The following SLC30A7 variants were observed in gnomAD, a reference collection of about 807,000 sequenced individuals.
SLC30A7 encodes the protein solute carrier family 30 member 7, also known as zinc transporter 7.
In SLC30A7, 35 loss-of-function variants were observed where a neutral mutation model predicts 46.0. The observed-to-expected ratio is 0.76, with a 90% confidence interval of 0.58 to 1.01. The LOEUF (loss-of-function observed/expected upper bound fraction) is 1.01, where lower values mean the gene tolerates loss of function less well. Among genes scored for constraint, SLC30A7 ranks in the 50% least tolerant of loss-of-function variants. SLC30A7 has a pLI of 0.00. For synonymous variants in SLC30A7, 147 were observed against 157.8 expected (o/e 0.93, Z 0.51); for missense variants, 464 against 451.1 (o/e 1.03, Z -0.26).
chr1:100,960,329 CT>C (rs1486894877), intron 8 of SLC30A7, among the ~76,000 whole-genome samples: 1 of 152,144 alleles, frequency 6.6e-6, no homozygotes, highest in African/African-American at 2.4e-5. Flanking sequence ...TGAAAACAGT[CT>C]CCTCATTTCT....
intron 10 of SLC30A7, among the ~76,000 whole-genome samples, chr1:100,971,066 T>C (rs575161798): frequency 1.3e-5 from 2 of 152,220 alleles, no homozygotes; most frequent in East Asian, 3.9e-4. Context: ...ACTTCCTGCT[T>C]CAGCTTTTTG....
intron 10 of SLC30A7, among the ~76,000 whole-genome samples, chr1:100,969,444 C>T (rs1570596331): frequency 6.6e-6 from 1 of 152,138 alleles, no homozygotes; most frequent in South Asian, 2.1e-4. Context: ...GGCATTTACT[C>T]ACAATTTGCC....
At chr1:100,940,763 G>C (rs1054449212) in intron 8 of SLC30A7, among the ~76,000 whole-genome samples, 5 of 152,202 alleles carry the variant, frequency 3.3e-5, no homozygotes, top group African/African-American at 9.6e-5. Context: ...AAACCCTTCA[G>C]TGGACTGTTT....
intron 3 of SLC30A7, among the ~76,000 whole-genome samples, chr1:100,909,254 C>T (rs1163824900): frequency 6.6e-6 from 1 of 152,090 alleles, no homozygotes; most frequent in East Asian, 1.9e-4. Context: ...TTCAGGATGA[C>T]TGCTGTAGCT....
At chr1:100,955,477 CTT>C (rs1461164118) in intron 8 of SLC30A7, among the ~76,000 whole-genome samples, 1 of 152,058 alleles carries the variant, frequency 6.6e-6, no homozygotes, top group African/African-American at 2.4e-5. Flanking sequence ...TGACTCATCT[CTT>C]TTTATTTATG....
intron 1 of SLC30A7, 109 bp downstream of exon 1, chr1:100,896,451 A>G: frequency 3.5e-6 from 5 of 1,439,128 alleles, no homozygotes; most frequent in South Asian, 3.5e-5. Flanking sequence ...CTCCCCGTCA[A>G]CCCCTAGCTG....
At chr1:100,990,540 A>G in the SLC30A7 span, 6 of 1,614,206 alleles carry the variant, frequency 3.7e-6, no homozygotes, top group East Asian at 8.9e-5. Context: ...CCAAGTCCAC[A>G]GTGCACATTT....
downstream of SLC30A7, among the ~76,000 whole-genome samples, chr1:100,985,882 G>T (rs552795623): frequency 1.3e-5 from 2 of 152,250 alleles, no homozygotes; most frequent in African/African-American, 4.8e-5. Context: ...GGAATGAAAG[G>T]ACAAGCTACA....
chr1:100,911,285 A>G, intron 4 of SLC30A7, 135 bp downstream of exon 4: 1 of 581,570 alleles, frequency 1.7e-6, no homozygotes, highest in Admixed American at 3.4e-5. Context: ...TGTGCGTACA[A>G]GAGGAGCTTA....
chr1:100,922,401 C>T (rs1266579989), intron 8 of SLC30A7, among the ~76,000 whole-genome samples: 1 of 152,274 alleles, frequency 6.6e-6, no homozygotes, highest in South Asian at 2.1e-4. Context: ...TTGAATGCAA[C>T]ATTACATCTA....
chr1:100,971,884 G>A (rs780234955), intron 10 of SLC30A7, among the ~76,000 whole-genome samples: 21 of 151,878 alleles, frequency 1.4e-4, no homozygotes, highest in African/African-American at 4.8e-4. Flanking sequence ...TTTTACTTCC[G>A]ATTTGTTATC....
rs10604120 is a variant in SLC30A7, at chr1:100,975,828, G to GTT, written c.*997_*998dup. 24 of 99,096 alleles carry GTT rather than the reference G, an allele frequency of 2.4e-4. No individual in the cohort carries two copies. The highest frequency in any genetic ancestry group is 8.8e-4 in the African/African-American group (23 of 26,256). The allele number at this position is 99,096 out of a possible 1,614,324, so 6.1% of individuals were successfully genotyped here. ...GGTGTGAGCCACCACGCCCGGCTAT[G>GTT]TTTTTTTTTTTTTTTTTTTTTTTTT... On this transcript the variant is annotated 3_prime_UTR_variant, in exon 11 of 11. Transcript: ENST00000357650.
chr1:100,927,501 C>G (rs1373237838), intron 8 of SLC30A7, among the ~76,000 whole-genome samples: 1 of 152,098 alleles, frequency 6.6e-6, no homozygotes, highest in East Asian at 1.9e-4. Flanking sequence ...ATGGAGATAG[C>G]AACTAAGTCA....
chr1:100,976,071 A>T lies in SLC30A7; in HGVS notation c.*1214A>T, dbSNP rs1656478386. On this transcript the variant is annotated 3_prime_UTR_variant, in exon 11 of 11. Transcript: ENST00000357650. ...TTACTTTGTGGACTGTGTTTTCAAA[A>T]CTTTGCAAATTCATCTGTTACACAG... 1 of 152,508 alleles carries T rather than the reference A, an allele frequency of 6.6e-6. No individual in the cohort carries two copies. The highest frequency in any genetic ancestry group is 1.5e-5 in the Non-Finnish European group (1 of 68,014). 9.4% of individuals were successfully genotyped at this position (152,508 alleles called of 1,614,324 possible).
At chr1:100,971,754 T>A (rs1449808571) in intron 10 of SLC30A7, among the ~76,000 whole-genome samples, 1 of 152,170 alleles carries the variant, frequency 6.6e-6, no homozygotes, top group Non-Finnish European at 1.5e-5. Context: ...TGAAATGATT[T>A]AGGTTTCACA....
At chr1:100,933,120 C>T (rs1332803513) in intron 8 of SLC30A7, among the ~76,000 whole-genome samples, 7 of 151,674 alleles carry the variant, frequency 4.6e-5, no homozygotes, top group South Asian at 4.2e-4. Flanking sequence ...GGATTACAGG[C>T]GTGCACCATC....
At chr1:100,990,662 T>C in the SLC30A7 span, 1 of 1,596,000 alleles carries the variant, frequency 6.3e-7, no homozygotes, top group African/African-American at 1.3e-5. Flanking sequence ...TGCTATTCAA[T>C]TCAGCAAATG....
At chr1:100,922,402 A>T (rs969959975) in intron 8 of SLC30A7, among the ~76,000 whole-genome samples, 13 of 152,350 alleles carry the variant, frequency 8.5e-5, no homozygotes, top group African/African-American at 3.1e-4. Flanking sequence ...TGAATGCAAC[A>T]TTACATCTAT....
chr1:100,918,222 T>C, intron 7 of SLC30A7, 95 bp downstream of exon 7: 1 of 1,019,460 alleles, frequency 9.8e-7, no homozygotes, highest in Admixed American at 1.9e-5. Flanking sequence ...AAGAAAAATA[T>C]AAAACATAGT....
Sources: allele counts gnomAD v4.1 joint callset (sites outside exome capture counted in the v4.1 genomes callset), GRCh38; gene constraint gnomAD v4.1.1; transcripts MANE v1.5; gene names NCBI Gene and HGNC (gene_info 2026-07-23, HGNC 2026-07-21).